The following MUC3A variants were observed in gnomAD, a reference collection of about 807,000 sequenced individuals.
MUC3A encodes the protein mucin 3A, cell surface associated, also known as mucin-3A.
In MUC3A, 109 loss-of-function variants were observed where a neutral mutation model predicts 109.0. That is an observed-to-expected ratio of 1.00 (90% CI 0.86 to 1.17). The LOEUF is 1.17. MUC3A is among the 50% of genes most tolerant of loss of function. MUC3A has a pLI of 0.00. For synonymous variants in MUC3A, 1,398 were observed against 981.4 expected (o/e 1.42, Z -7.93); for missense variants, 3,537 against 2,469.4 (o/e 1.43, Z -9.16).
Position 100,952,178 on chromosome 7 carries a change from C to T in MUC3A, c.399C>T (p.Ser133=). 1.3e-6 allele frequency: 2 copies of T among 1,598,512 alleles called. No individual in the cohort carries two copies. Among genetic ancestry groups the T allele is most frequent in the Non-Finnish European group, 1.7e-6 (2 of 1,179,752 alleles). The change falls in exon 2 of 12, where the codon AGC becomes AGT. Residue 133 remains serine, a synonymous_variant. Transcript: ENST00000379458. ...SATTECVYPT[S]FIITISHPTS... is the part of the protein sequence containing the mutation. ...CCACTGAGTGCGTGTATCCAACGAG[C>T]TTTATAATCACCATCTCCCACCCCA...
intron 3 of MUC3A, among the ~76,000 whole-genome samples, chr7:100,961,194 C>A (rs1446997737): frequency 6.6e-6 from 1 of 152,312 alleles, no homozygotes; most frequent in Non-Finnish European, 1.5e-5. Flanking sequence ...CAGTTTCCAA[C>A]TGCTGCCGGG....
Position 100,954,151 on chromosome 7 carries a change from C to T in MUC3A, c.2372C>T (p.Thr791Ile). The change falls in exon 2 of 12, where the codon ACT (threonine) becomes ATT (isoleucine). Residue 791 changes from threonine (T) to isoleucine (I), a missense_variant. Thr to Ile is a moderately conservative substitution (Grantham distance 89). Transcript: ENST00000379458. Reference protein sequence around the residue: ...TVYSTASTYTTAITSVPTTLG... With the variant: ...TVYSTASTYTIAITSVPTTLG... ...TACTCCACAGCCAGCACATACACAA[C>T]TGCCATCACCTCAGTTCCCACTACG... 3 of 497,346 alleles carry T rather than the reference C, an allele frequency of 6.0e-6. No homozygotes were observed. The highest frequency in any genetic ancestry group is 3.2e-5 in the East Asian group (1 of 30,812). 30.8% of individuals were successfully genotyped at this position (497,346 alleles called of 1,614,324 possible).
intron 9 of MUC3A, 44 bp downstream of exon 9, chr7:100,966,603 G>T: frequency 6.3e-7 from 1 of 1,596,300 alleles, no homozygotes; most frequent in Admixed American, 1.7e-5. Flanking sequence ...GGCAGCCAAG[G>T]GGTCCCAGGC....
At chr7:100,961,360 G>A (rs1792319326) in intron 3 of MUC3A, among the ~76,000 whole-genome samples, 1 of 21,998 alleles carries the variant, frequency 4.5e-5, no homozygotes, top group Non-Finnish European at 9.1e-5. Context: ...CCATTTTTTT[G>A]CCCTTTGCAG....
At position 100,960,135 on chromosome 7, in the gene MUC3A, T is replaced by C. The variant is rs1171336104; in HGVS notation, c.8356T>C (p.Cys2786Arg). 6.4e-7 allele frequency: 1 copy of C among 1,551,556 alleles called. No individual in the cohort carries two copies. Among genetic ancestry groups the C allele is most frequent in the Non-Finnish European group, 8.7e-7 (1 of 1,154,736 alleles). Residue 2786 changes from cysteine (C) to arginine (R), a missense_variant, in exon 2 of 12, where the codon TGT becomes CGT. Physicochemically the swap from Cys to Arg is radical, Grantham distance 180. Transcript: ENST00000379458. ...AGTCCCTGCCTCCCCCACTGATCCATGTGTTGAAATGGATCCCAGCACTGA... is the reference window on the plus strand; with the variant it reads ...AGTCCCTGCCTCCCCCACTGATCCACGTGTTGAAATGGATCCCAGCACTGA... ...TIVPASPTDP[C>R]VEMDPSTEAT...
chr7:100,951,888 GCA>G lies in MUC3A; in HGVS notation c.110_111del (p.Ala37GlyfsTer47). 1.3e-6 allele frequency: 2 copies of G among 1,598,500 alleles called. No individual in the cohort carries two copies. The highest frequency in any genetic ancestry group is 1.7e-6 in the Non-Finnish European group (2 of 1,179,748). ...CATCTCTCAAGTGCCTTTCCCCAGA[GCA>G]GAAGCAGCCAGCGCTGTGCTCAGCA... ...TSISQVPFPR[A>X]EAASAVLSNS... On this transcript the variant is annotated frameshift_variant, in exon 2 of 12. Coordinates refer to ENST00000379458, the MANE Select transcript of MUC3A (RefSeq NM_005960.2). LOFTEE classifies it high-confidence loss of function.
At chr7:100,950,768 C>A (rs1309819010) in intron 1 of MUC3A, among the ~76,000 whole-genome samples, 1 of 152,304 alleles carries the variant, frequency 6.6e-6, no homozygotes, top group African/African-American at 2.4e-5. Context: ...ACTAATGAAT[C>A]CCACGGCCAA....
rs75471530 is a variant in MUC3A at position 100,960,528 on chromosome 7, A to T, written c.8749A>T (p.Thr2917Ser). 1.3e-5 allele frequency: 21 copies of T among 1,598,300 alleles called. No homozygotes were observed. Among genetic ancestry groups the T allele is most frequent in the Non-Finnish European group, 1.7e-5 (20 of 1,179,642 alleles). ...SKSTHPSPPT[T>S]RTSETPVATT... is the part of the protein sequence containing the mutation. ...GTCAACACACCCCTCCCCACCCACC[A>T]CTAGGACTTCAGAGACACCAGTGGC... Residue 2917 changes from threonine to serine, a missense_variant, in exon 2 of 12, where the codon ACT becomes TCT. Coordinates refer to ENST00000379458, the MANE Select transcript of MUC3A (RefSeq NM_005960.2).
At position 100,959,318 on chromosome 7, in the gene MUC3A, C is replaced by A; in HGVS notation, c.7539C>A (p.Pro2513=). 1 of 1,568,992 alleles carries A rather than the reference C, an allele frequency of 6.4e-7. No individual in the cohort carries two copies. Among genetic ancestry groups the A allele is most frequent in the Non-Finnish European group, 8.6e-7 (1 of 1,165,000 alleles). The part of the protein sequence containing the change: ...LTTTTDFPSI[P]TDISTLPTRT... The stretch of plus-strand genomic sequence containing the variant: ...CAACCACAGACTTTCCCTCTATACC[C>A]ACTGATATCAGTACCTTACCAACTC... Residue 2513 remains proline, a synonymous_variant, in exon 2 of 12, where the codon CCC becomes CCA. Transcript: ENST00000379458.
rs1340449113 is a variant in MUC3A at position 100,957,594 on chromosome 7, C to G, written c.5815C>G (p.Pro1939Ala). Residue 1939 changes from proline to alanine, a missense_variant, in exon 2 of 12, where the codon CCC (proline) becomes GCC (alanine). Transcript: ENST00000379458. ...TTTETPSHST[P>A]RFTSSITNTK... Reference sequence around the variant, plus strand: ...TACCGAGACCCCCTCACACAGTACTCCCAGATTCACTTCTTCAATCACCAA... The same window carrying G: ...TACCGAGACCCCCTCACACAGTACTGCCAGATTCACTTCTTCAATCACCAA... 30 of 1,524,872 alleles carry G rather than the reference C, an allele frequency of 2.0e-5. No homozygotes were observed. The highest frequency in any genetic ancestry group is 2.6e-5 in the Non-Finnish European group (30 of 1,146,640). The allele number at this position is 1,524,872 out of a possible 1,614,324, so 94.5% of individuals were successfully genotyped here.
intron 3 of MUC3A, 92 bp downstream of exon 3, chr7:100,961,029 C>A: frequency 6.3e-7 from 1 of 1,583,404 alleles, no homozygotes; most frequent in Non-Finnish European, 8.5e-7. Context: ...CTGGAGGCAC[C>A]CATGCCTTTT....
chr7:100,958,585 A>ATAACCACCTCTGAGACCCCGTCACACAG lies in MUC3A; in HGVS notation c.6808_6809insACCACCTCTGAGACCCCGTCACACAGTA (p.Thr2270AsnfsTer4). On this transcript the variant is annotated stop_gained and frameshift_variant, in exon 2 of 12. Transcript: ENST00000379458. LOFTEE classifies it high-confidence loss of function. ...ACCACCACTGAGACCACCTCACATG[A>ATAACCACCTCTGAGACCCCGTCACACAG]TACTCCCAGCTTCACTTCTTCAATC... is the stretch of plus-strand genomic sequence containing the variant. 1.3e-5 allele frequency: 3 copies of ATAACCACCTCTGAGACCCCGTCACACAG among 231,588 alleles called. No individual in the cohort carries two copies. Among genetic ancestry groups the ATAACCACCTCTGAGACCCCGTCACACAG allele is most frequent in the African/African-American group, 4.0e-5 (1 of 24,712 alleles). The allele number at this position is 231,588 out of a possible 1,614,324, so 14.3% of individuals were successfully genotyped here. A position where few individuals can be genotyped will look rare whatever the true frequency, so the allele number is the denominator to read the frequency against.
At position 100,960,585 on chromosome 7, in the gene MUC3A, C is replaced by CG. The variant is rs756000364; in HGVS notation, c.8807dup (p.Arg2937GlnfsTer23). ...CCAGACTCCTACCACCCTTACATCA[C>CG]GCAGGACAACTCGCATCACTTCTCA... On this transcript the variant is annotated frameshift_variant, in exon 2 of 12. Coordinates refer to ENST00000379458, the MANE Select transcript of MUC3A (RefSeq NM_005960.2). LOFTEE classifies it high-confidence loss of function. 1 of 1,182,104 alleles carries CG rather than the reference C, an allele frequency of 8.5e-7. No homozygotes were observed. The highest frequency in any genetic ancestry group is 1.5e-5 in the African/African-American group (1 of 66,042). The allele number at this position is 1,182,104 out of a possible 1,614,324, so 73.2% of individuals were successfully genotyped here. A position where few individuals can be genotyped will look rare whatever the true frequency, so the allele number is the denominator to read the frequency against.
chr7:100,959,824 G>T lies in MUC3A; in HGVS notation c.8045G>T (p.Trp2682Leu), dbSNP rs776284550. Residue 2682 changes from tryptophan (W) to leucine (L), a missense_variant, in exon 2 of 12, where the codon TGG (tryptophan) becomes TTG (leucine). Transcript: ENST00000379458. ...AILTSFSTII[W>L]SSTPTIIMSS... Reference sequence around the variant, plus strand: ...TTGACTTCTTTTAGTACCATCATCTGGTCCTCAACACCCACTATTATCATG... The same window carrying T: ...TTGACTTCTTTTAGTACCATCATCTTGTCCTCAACACCCACTATTATCATG... 1 of 1,582,616 alleles carries T rather than the reference G, an allele frequency of 6.3e-7. No homozygotes were observed. The highest frequency in any genetic ancestry group is 8.5e-7 in the Non-Finnish European group (1 of 1,172,052).
Position 100,953,945 on chromosome 7 carries a change from C to A in MUC3A, c.2166C>A (p.Ser722=). 2 of 447,730 alleles carry A rather than the reference C, an allele frequency of 4.5e-6. No individual in the cohort carries two copies. The highest frequency in any genetic ancestry group is 7.8e-6 in the Non-Finnish European group (2 of 256,136). 27.7% of individuals were successfully genotyped at this position (447,730 alleles called of 1,614,324 possible). The change falls in exon 2 of 12, where the codon TCC becomes TCA. Residue 722 remains serine, a synonymous_variant. Coordinates refer to ENST00000379458, the MANE Select transcript of MUC3A (RefSeq NM_005960.2). ...PNSPTGPGTN[S]TTEITYPTTM... Reference sequence around the variant, plus strand: ...CTCCGACTGGTCCTGGTACAAACTCCACGACGGAAATCACCTATCCCACCA... The same window carrying A: ...CTCCGACTGGTCCTGGTACAAACTCAACGACGGAAATCACCTATCCCACCA...
At chr7:100,964,044 A>G (rs991100974) in intron 5 of MUC3A, 12 of 583,532 alleles carry the variant, frequency 2.1e-5, no homozygotes, top group Non-Finnish European at 3.0e-6. Context: ...CCCCTGCTCT[A>G]CTGAGTGGGT....
chr7:100,959,738 A>G lies in MUC3A; in HGVS notation c.7959A>G (p.Thr2653=). 1 of 1,598,518 alleles carries G rather than the reference A, an allele frequency of 6.3e-7. No individual in the cohort carries two copies. The highest frequency in any genetic ancestry group is 8.5e-7 in the Non-Finnish European group (1 of 1,179,806). The change falls in exon 2 of 12, where the codon ACA becomes ACG. Residue 2653 remains threonine, a synonymous_variant. Coordinates refer to ENST00000379458, the MANE Select transcript of MUC3A (RefSeq NM_005960.2). Reference sequence around the variant, plus strand: ...CTCCCTCATTGCAAACTTCACTCACATCTACAAGTGAGTTCACTACAGAAT... The same window carrying G: ...CTCCCTCATTGCAAACTTCACTCACGTCTACAAGTGAGTTCACTACAGAAT... The part of the protein sequence containing the change: ...PSTPSLQTSL[T]STSEFTTESF...
At position 100,960,623 on chromosome 7, in the gene MUC3A, G is replaced by C. The variant is rs1563071271; in HGVS notation, c.8844G>C (p.Gln2948His). ...TTRITSQMTT[Q>H]STLTTTAGTC... ...GCATCACTTCTCAGATGACCACACA[G>C]TCCACGTTGACCACCACTGCAGGTT... The change falls in exon 2 of 12, where the codon CAG becomes CAC. Residue 2948 changes from glutamine (Q) to histidine (H), a missense_variant. Transcript: ENST00000379458. 1 of 1,598,282 alleles carries C rather than the reference G, an allele frequency of 6.3e-7. No individual in the cohort carries two copies. Among genetic ancestry groups the C allele is most frequent in the Non-Finnish European group, 8.5e-7 (1 of 1,179,558 alleles).
chr7:100,963,610 C>T, intron 4 of MUC3A, 78 bp from the exon 5 acceptor site: 1 of 1,594,236 alleles, frequency 6.3e-7, no homozygotes, highest in Non-Finnish European at 8.5e-7. Flanking sequence ...AGGGTCTTCC[C>T]TGGAGCTGGG....
Sources: gnomAD v4.1 joint callset for allele counts (sites outside exome capture counted in the v4.1 genomes callset) on GRCh38, gnomAD v4.1.1 for gene constraint, MANE v1.5 for transcripts, NCBI Gene and HGNC (gene_info 2026-07-23, HGNC 2026-07-21) for gene names.